Variants in RABEP1 observed in about 807,000 individuals in gnomAD.
RABEP1 encodes rab GTPase-binding effector protein 1.
RABEP1 carries 51 observed loss-of-function variants against 123.4 expected under a neutral mutation model. The observed-to-expected ratio is 0.41, with a 90% CI of 0.33 to 0.52. The LOEUF (loss-of-function observed/expected upper bound fraction) is 0.52, where lower values mean the gene tolerates loss of function less well. Ranked by LOEUF, RABEP1 falls within the 20% of genes least tolerant of loss-of-function variation. The probability of loss-of-function intolerance (pLI) is 0.16; values close to 1 mark genes in which losing one functional copy is unlikely to be tolerated. For synonymous variants in RABEP1, 347 were observed against 355.2 expected (o/e 0.98, Z 0.26); for missense variants, 888 against 996.3 (o/e 0.89, Z 1.46).
At chr17:5,284,780 T>A (rs1356248299) in intron 1 of RABEP1, among the ~76,000 whole-genome samples, 1 of 152,038 alleles carries the variant, frequency 6.6e-6, no homozygotes, top group East Asian at 1.9e-4. Flanking sequence ...GGGATTTAAT[T>A]TGTGTCTTTA....
intron 13 of RABEP1, among the ~76,000 whole-genome samples, chr17:5,375,722 G>C (rs762477351): frequency 2.6e-5 from 4 of 151,138 alleles, no homozygotes; most frequent in South Asian, 2.1e-4. Context: ...AAAAAAAAAA[G>C]GTTTTGGGAA....
intron 11 of RABEP1, 29 bp from the exon 12 acceptor site, chr17:5,368,335 CCTAACT>C (rs1428955992): frequency 3.6e-6 from 5 of 1,398,612 alleles, no homozygotes; most frequent in African/African-American, 1.4e-5. Context: ...TAACCGATTT[CCTAACT>C]ATGTTTCTAT....
intron 8 of RABEP1, among the ~76,000 whole-genome samples, chr17:5,360,653 G>A (rs929234930): frequency 1.3e-5 from 2 of 152,190 alleles, no homozygotes; most frequent in African/African-American, 4.8e-5. Flanking sequence ...CTTTCTCAGG[G>A]TTCTGCCCTT....
chr17:5,293,979 T>C (rs577081962), intron 1 of RABEP1, among the ~76,000 whole-genome samples: 14 of 152,170 alleles, frequency 9.2e-5, no homozygotes, highest in Middle Eastern at 3.2e-3. Context: ...AATTATTTTA[T>C]AATTACAGAT....
In RABEP1 at chr17:5,384,143, A is replaced by T; in HGVS notation, c.*920A>T. 1.4e-5 allele frequency: 3 copies of T among 214,588 alleles called. No individual in the cohort carries two copies. Among genetic ancestry groups the T allele is most frequent in the Non-Finnish European group, 2.8e-5 (3 of 106,444 alleles). The allele number at this position is 214,588 out of a possible 1,614,324, so 13.3% of individuals were successfully genotyped here. ...TGTTTCAAATGTGTCAAATACAAAA[A>T]TGGTAACTAGGTTGACAGATACTTT... is the stretch of plus-strand genomic sequence containing the variant. On this transcript the variant is annotated 3_prime_UTR_variant, in exon 18 of 18. Transcript: ENST00000537505.
chr17:5,342,822 A>C (rs1044821563), intron 5 of RABEP1, among the ~76,000 whole-genome samples: 4 of 152,224 alleles, frequency 2.6e-5, no homozygotes, highest in Non-Finnish European at 4.4e-5. Flanking sequence ...TAAAGCTACT[A>C]TAATTAAGGT....
chr17:5,358,427 T>TGTGATTGGA (rs144306210), intron 8 of RABEP1, among the ~76,000 whole-genome samples: 2,611 of 152,134 alleles, frequency 0.017, 82 homozygotes, highest in African/African-American at 0.057. Flanking sequence ...TCGCAGCACT[T>TGTGATTGGA]TTGGAGGCTG....
chr17:5,291,591 G>GT (rs1291454743), intron 1 of RABEP1, among the ~76,000 whole-genome samples: 2 of 152,048 alleles, frequency 1.3e-5, no homozygotes. Context: ...TGTGTTGTAA[G>GT]TTTTTTTGTT....
chr17:5,342,745 A>G (rs767668437), intron 5 of RABEP1, among the ~76,000 whole-genome samples: 8 of 152,214 alleles, frequency 5.3e-5, no homozygotes, highest in Non-Finnish European at 1.2e-4. Context: ...GAACAGGAAA[A>G]TACTTAGCAA....
At chr17:5,350,730 A>G (rs889222220) in intron 7 of RABEP1, 101 bp downstream of exon 7, 38 of 1,299,536 alleles carry the variant, frequency 2.9e-5, no homozygotes, top group Admixed American at 2.3e-4. Flanking sequence ...TTAAGCTGCA[A>G]CAAGGTGATA....
chr17:5,343,026 A>G (rs1288855857), intron 5 of RABEP1, among the ~76,000 whole-genome samples: 2 of 151,486 alleles, frequency 1.3e-5, no homozygotes, highest in Non-Finnish European at 2.9e-5. Flanking sequence ...TTGGGAGGCC[A>G]AGGCAGGTGG....
At chr17:5,364,259 A>G (rs1909825045) in intron 10 of RABEP1, 1 of 152,246 alleles carries the variant, frequency 6.6e-6, no homozygotes, top group Non-Finnish European at 1.5e-5. Flanking sequence ...AAGGGTGTTC[A>G]TGGAGAGAAA....
intron 1 of RABEP1, among the ~76,000 whole-genome samples, chr17:5,286,944 GTAGA>G (rs1597320989): frequency 6.6e-6 from 1 of 152,228 alleles, no homozygotes; most frequent in African/African-American, 2.4e-5. Context: ...AAGACTTGAA[GTAGA>G]TAGAGGAGTT....
At chr17:5,349,386 C>T (rs1261033045) in intron 6 of RABEP1, among the ~76,000 whole-genome samples, 1 of 152,172 alleles carries the variant, frequency 6.6e-6, no homozygotes, top group Non-Finnish European at 1.5e-5. Context: ...AGGTCTCTGT[C>T]ATAGTTGAAT....
At chr17:5,282,721 G>GGAGGCGC (rs1255451733) in intron 1 of RABEP1, among the ~76,000 whole-genome samples, 18 of 149,052 alleles carry the variant, frequency 1.2e-4, no homozygotes, top group Non-Finnish European at 2.1e-4. Context: ...GGAGGGGGCG[G>GGAGGCGC]GAGGCGCGGG....
chr17:5,342,365 C>T (rs1907689632), intron 5 of RABEP1, among the ~76,000 whole-genome samples: 1 of 152,160 alleles, frequency 6.6e-6, no homozygotes. Context: ...GGGCCGGGTG[C>T]AGTGGCTCAC....
intron 1 of RABEP1, among the ~76,000 whole-genome samples, chr17:5,290,199 T>C (rs1234172760): frequency 6.6e-6 from 1 of 152,210 alleles, no homozygotes; most frequent in Admixed American, 6.5e-5. Context: ...GCCATTCTCC[T>C]GCCTCAGCCT....
chr17:5,310,740 C>G (rs1260041313), intron 2 of RABEP1, among the ~76,000 whole-genome samples: 1 of 151,724 alleles, frequency 6.6e-6, no homozygotes, highest in African/African-American at 2.4e-5. Context: ...GTTGGGTTTT[C>G]TTCTTTACAT....
chr17:5,332,134 C>G lies in RABEP1; in HGVS notation c.349C>G (p.Leu117Val). Reference protein sequence around the residue: ...KRQWREEVASLQAVMKETVRD... With the variant: ...KRQWREEVASVQAVMKETVRD... The stretch of plus-strand genomic sequence containing the variant: ...ACAGTGGAGAGAAGAAGTTGCTTCA[C>G]TTCAGGCTGTTATGAAAGGTAAAGA... Residue 117 changes from leucine (L) to valine (V), a missense_variant, in exon 3 of 18, where the codon CTT (leucine) becomes GTT (valine). Transcript: ENST00000537505. 1.2e-6 allele frequency: 2 copies of G among 1,613,944 alleles called. No homozygotes were observed. The highest frequency in any genetic ancestry group is 1.1e-5 in the South Asian group (1 of 91,080).
Sources: gnomAD v4.1 joint callset for allele counts (sites outside exome capture counted in the v4.1 genomes callset) on GRCh38, gnomAD v4.1.1 for gene constraint, MANE v1.5 for transcripts, NCBI Gene and HGNC (gene_info 2026-07-23, HGNC 2026-07-21) for gene names.